Variants in KCNH7 observed in about 807,000 individuals in gnomAD.
The protein encoded by KCNH7 is voltage-gated inwardly rectifying potassium channel KCNH7.
Under a neutral mutation model 120.8 loss-of-function variants are expected in KCNH7, and 49 were observed. The ratio of observed to expected loss-of-function variants is 0.41; its 90% CI spans 0.32 to 0.51. The LOEUF (loss-of-function observed/expected upper bound fraction) is 0.51. Among genes scored for constraint, KCNH7 ranks in the 20% least tolerant of loss-of-function variants. The probability of loss-of-function intolerance (pLI) is 0.38; values close to 1 mark genes in which losing one functional copy is unlikely to be tolerated. For missense variants in KCNH7, 1,097 were observed against 1,446.6 expected (o/e 0.76, Z 3.92); for synonymous variants, 547 against 516.1 (o/e 1.06, Z -0.81).
At chr2:162,651,192 A>G (rs764377972) in intron 2 of KCNH7, among the ~76,000 whole-genome samples, 3 of 152,202 alleles carry the variant, frequency 2.0e-5, no homozygotes, top group Non-Finnish European at 4.4e-5. Flanking sequence ...TTAGTGCATA[A>G]TTTTTGAAAC....
chr2:162,531,265 G>A (rs1442672258), intron 3 of KCNH7, among the ~76,000 whole-genome samples: 2 of 151,748 alleles, frequency 1.3e-5, no homozygotes, highest in Non-Finnish European at 2.9e-5. Context: ...CTTCCATTTA[G>A]GAAACCAAGG....
At chr2:162,468,162 G>T (rs1431731461) in intron 6 of KCNH7, among the ~76,000 whole-genome samples, 1 of 152,096 alleles carries the variant, frequency 6.6e-6, no homozygotes, top group Non-Finnish European at 1.5e-5. Flanking sequence ...GCTCAGCAGT[G>T]GCTCCACTTT....
At chr2:162,679,193 T>C (rs182687508) in intron 2 of KCNH7, among the ~76,000 whole-genome samples, 17 of 151,650 alleles carry the variant, frequency 1.1e-4, no homozygotes, top group African/African-American at 3.1e-4. Context: ...CTAAATAAGA[T>C]TGATAGAAAA....
chr2:162,699,041 A>G (rs1040802349), intron 2 of KCNH7, among the ~76,000 whole-genome samples: 1 of 152,146 alleles, frequency 6.6e-6, no homozygotes, highest in Non-Finnish European at 1.5e-5. Flanking sequence ...GAGACAATTA[A>G]CATATGCATT....
intron 2 of KCNH7, among the ~76,000 whole-genome samples, chr2:162,591,235 T>C (rs1396260149): frequency 6.6e-6 from 1 of 151,994 alleles, no homozygotes; most frequent in Non-Finnish European, 1.5e-5. Flanking sequence ...TTTATTTTTA[T>C]GCATTTCTTT....
chr2:162,748,229 C>T (rs1456275446), intron 2 of KCNH7, among the ~76,000 whole-genome samples: 1 of 152,100 alleles, frequency 6.6e-6, no homozygotes, highest in African/African-American at 2.4e-5. Flanking sequence ...CTCTTTGTAC[C>T]ATAGGGTTTT....
intron 2 of KCNH7, among the ~76,000 whole-genome samples, chr2:162,616,918 C>T (rs545446437): frequency 6.6e-6 from 1 of 152,264 alleles, no homozygotes; most frequent in East Asian, 1.9e-4. Flanking sequence ...TCAGTCATCC[C>T]ATTTATGCCT....
At position 162,838,467 on chromosome 2, in the gene KCNH7, T is replaced by C. The variant is rs760525559; in HGVS notation, c.52A>G (p.Ile18Val). 158 of 1,613,808 alleles carry C rather than the reference T, an allele frequency of 9.8e-5. No individual in the cohort carries two copies. The highest frequency in any genetic ancestry group is 1.5e-4 in the Admixed American group (9 of 60,012). The change falls in exon 1 of 16, where the codon ATC becomes GTC. Residue 18 changes from isoleucine (I) to valine (V), a missense_variant. Ile to Val is a conservative substitution (Grantham distance 29). Transcript: ENST00000332142. ...CTTTGCCCTTCAAATTTCCGAATGA[T>C]GGTCCCCAGAAATGTATTTTGTGGT... The part of the protein sequence containing the change: ...VAPQNTFLGT[I>V]IRKFEGQNKK...
chr2:162,712,665 A>G (rs1686967479), intron 2 of KCNH7, among the ~76,000 whole-genome samples: 1 of 152,158 alleles, frequency 6.6e-6, no homozygotes, highest in African/African-American at 2.4e-5. Context: ...TAAAATATCT[A>G]TAGTGTCCTT....
At chr2:162,613,953 G>A (rs114689489) in intron 2 of KCNH7, among the ~76,000 whole-genome samples, 2,184 of 143,234 alleles carry the variant, frequency 0.015, 53 homozygotes, top group African/African-American at 0.056. Flanking sequence ...CAAAGAGAAA[G>A]TTTTTTTTTT....
chr2:162,495,595 G>T (rs1690470596), intron 6 of KCNH7, among the ~76,000 whole-genome samples: 8 of 152,150 alleles, frequency 5.3e-5, no homozygotes, highest in Admixed American at 4.6e-4. Context: ...GTCCTATCAT[G>T]ATTTGTTTTT....
intron 9 of KCNH7, 61 bp from the exon 10 acceptor site, chr2:162,400,502 C>T (rs1480243966): frequency 1.4e-5 from 21 of 1,549,632 alleles, no homozygotes; most frequent in Non-Finnish European, 1.8e-5. Context: ...GCCTGAAATA[C>T]AGTCAATTTC....
At chr2:162,622,621 A>G (rs1683403778) in intron 2 of KCNH7, among the ~76,000 whole-genome samples, 1 of 152,134 alleles carries the variant, frequency 6.6e-6, no homozygotes, top group African/African-American at 2.4e-5. Context: ...ATTTTCTTCT[A>G]GGTCCAAACT....
At chr2:162,413,659 C>T (rs1343506184) in intron 9 of KCNH7, among the ~76,000 whole-genome samples, 1 of 151,684 alleles carries the variant, frequency 6.6e-6, no homozygotes, top group African/African-American at 2.4e-5. Context: ...TAATCATATA[C>T]CAAATCGTAT....
chr2:162,556,690 C>G (rs544234258), intron 2 of KCNH7, among the ~76,000 whole-genome samples: 3 of 152,176 alleles, frequency 2.0e-5, no homozygotes, highest in African/African-American at 7.2e-5. Context: ...AATTTAATCT[C>G]AAAATCCTCA....
Position 162,807,256 on chromosome 2 carries a change from C to CAAAAA in KCNH7, c.307+29276_307+29280dup, listed in dbSNP as rs745345993. ...TGAAAACCCATCTCCACTAAAAATA[C>CAAAAA]AAAAAAAAAAAAAAAAAAAAAAAAA... On this transcript the variant is annotated intron_variant, in intron 2 of 15. Transcript: ENST00000332142. Among the ~76,000 whole-genome samples, 26 of 15,624 alleles carry CAAAAA rather than the reference C, an allele frequency of 1.7e-3. 1 individual carries two copies. The highest frequency in any genetic ancestry group is 6.0e-3 in the East Asian group (4 of 664). 10.2% of individuals were successfully genotyped at this position (15,624 alleles called of 152,430 possible).
chr2:162,739,412 C>A (rs1490561474), intron 2 of KCNH7, among the ~76,000 whole-genome samples: 1 of 152,132 alleles, frequency 6.6e-6, no homozygotes, highest in East Asian at 1.9e-4. Context: ...CCAGCCACCC[C>A]ACCTGAATGT....
chr2:162,489,306 C>T (rs995585281), intron 6 of KCNH7, among the ~76,000 whole-genome samples: 3 of 152,110 alleles, frequency 2.0e-5, no homozygotes, highest in African/African-American at 7.2e-5. Context: ...CTCTGGGCCA[C>T]ACTGGAAGAA....
chr2:162,796,720 AG>A (rs1388253703), intron 2 of KCNH7: 1 of 152,100 alleles, frequency 6.6e-6, no homozygotes, highest in Non-Finnish European at 1.5e-5. Context: ...AATATGAACA[AG>A]TAATCACAAC....
Sources: allele counts gnomAD v4.1 joint callset (sites outside exome capture counted in the v4.1 genomes callset), GRCh38; gene constraint gnomAD v4.1.1; transcripts MANE v1.5; gene names NCBI Gene and HGNC (gene_info 2026-07-23, HGNC 2026-07-21).